DLEC1: variants seen among roughly 807,000 people sequenced by gnomAD.
DLEC1 encodes the protein DLEC1 cilia and flagella associated protein.
Under a neutral mutation model 198.1 loss-of-function variants are expected in DLEC1, and 146 were observed. The ratio of observed to expected loss-of-function variants is 0.74; its 90% CI spans 0.64 to 0.85. The LOEUF (loss-of-function observed/expected upper bound fraction) is 0.85, where lower values mean the gene tolerates loss of function less well. DLEC1 is among the 40% of genes least tolerant of loss of function. The pLI is 0.00. For synonymous variants in DLEC1, 897 were observed against 866.8 expected (o/e 1.03, Z -0.61); for missense variants, 2,233 against 2,220.0 (o/e 1.01, Z -0.12).
At position 38,117,504 on chromosome 3, in the gene DLEC1, C is replaced by G. The variant is rs929088514; in HGVS notation, c.4401-23C>G. The G allele has an allele frequency of 6.2e-6, 10 of 1,614,010 alleles. No individual in the cohort carries two copies. In the Admixed American group the frequency reaches 1.5e-4, roughly 24 times the overall value. ...AAGGCCCCAGGCGCCCGGCTTGCCC[C>G]AACAATGCCTATTGCTGGGCAGGCT... On this transcript the variant is annotated intron_variant, in intron 31 of 36. Transcript: ENST00000308059.
chr3:38,122,014 C>CGAA lies in DLEC1; in HGVS notation c.5021-57_5021-56insGAA, dbSNP rs1319885077. The CGAA allele has an allele frequency of 1.6e-5, 26 of 1,599,918 alleles. No homozygotes were observed. In the East Asian group the frequency reaches 3.6e-4, roughly 22 times the overall value. ...AGGCCCGGGGGTGGGTAAAGTCTTC[C>CGAA]TGTGGGAGTACATGGGGCTGCCTGC... On this transcript the variant is annotated intron_variant, in intron 35 of 36. Coordinates refer to ENST00000308059, the MANE Select transcript of DLEC1 (RefSeq NM_007335.4).
intron 19 of DLEC1, among the ~76,000 whole-genome samples, chr3:38,105,349 C>T (rs1699515538): frequency 6.6e-6 from 1 of 151,968 alleles, no homozygotes; most frequent in Non-Finnish European, 1.5e-5. Flanking sequence ...GTTGTTTTTC[C>T]ATTATTAAAA....
At chr3:38,081,904 C>T (rs1402169753) in intron 6 of DLEC1, among the ~76,000 whole-genome samples, 4 of 147,644 alleles carry the variant, frequency 2.7e-5, no homozygotes, top group Admixed American at 2.7e-4. Flanking sequence ...GACCCCCCCC[C>T]ACCTCCCTCC....
chr3:38,070,263 G>A (rs1183116489), intron 6 of DLEC1, among the ~76,000 whole-genome samples: 1 of 152,106 alleles, frequency 6.6e-6, no homozygotes, highest in African/African-American at 2.4e-5. Flanking sequence ...TTGTGTCCAT[G>A]GGAAGAATGG....
At chr3:38,096,013 TG>T in intron 14 of DLEC1, 67 bp downstream of exon 14, 1 of 1,589,188 alleles carries the variant, frequency 6.3e-7, no homozygotes, top group Non-Finnish European at 8.6e-7. Flanking sequence ...GGGGTTCTCC[TG>T]GGGAAGGTAT....
rs369646963 is a variant in DLEC1 at position 38,093,735 on chromosome 3, G to A, written c.1887G>A (p.Thr629=). Residue 629 remains threonine, a synonymous_variant, in exon 12 of 37, where the codon ACG becomes ACA. Transcript: ENST00000308059. ...IRFEPENLRS[T]ARKQLIIRNA... is the part of the protein sequence containing the mutation. ...TTGAGCCTGAAAACCTTCGGTCCAC[G>A]GCTAGGAAGCAGCTGATTATTAGAA... The A allele has an allele frequency of 2.5e-5, 40 of 1,614,076 alleles. No individual in the cohort carries two copies. The highest frequency in any genetic ancestry group is 1.6e-4 in the Middle Eastern group (1 of 6,080).
rs781053489 is a variant in DLEC1, at chr3:38,107,616, C to T, written c.2897C>T (p.Pro966Leu). ...CCTGTGTATGCTGAGGTACAGAAGCCCCATGTGTACCTACAGAGCAGCCAG... is the reference window on the plus strand; with the variant it reads ...CCTGTGTATGCTGAGGTACAGAAGCTCCATGTGTACCTACAGAGCAGCCAG... ...YLPVYAEVQK[P>L]HVYLQSSQVE... is the part of the protein sequence containing the mutation. The change falls in exon 20 of 37, where the codon CCC becomes CTC. Residue 966 changes from proline to leucine, a missense_variant. Coordinates refer to ENST00000308059, the MANE Select transcript of DLEC1 (RefSeq NM_007335.4). 2 of 1,613,448 alleles carry T rather than the reference C, an allele frequency of 1.2e-6. No homozygotes were observed. Among genetic ancestry groups the T allele is most frequent in the East Asian group, 2.2e-5 (1 of 44,850 alleles).
In DLEC1 at chr3:38,076,504, A is replaced by T. The variant is rs577070976; in HGVS notation, c.1174-7654A>T. On this transcript the variant is annotated intron_variant, in intron 6 of 36. Transcript: ENST00000308059. ...CAGGAGTGGGGGTCGCAAAGTACTC[A>T]GTGGGGGAGCTTTTTGAGCCAGGAT... Among the ~76,000 whole-genome samples the T allele has an allele frequency of 4.9e-3, 747 of 152,154 alleles. 5 individuals carry two copies. The highest frequency in any genetic ancestry group is 0.017 in the African/African-American group (685 of 41,494).
At chr3:38,080,197 T>G (rs971718351) in intron 6 of DLEC1, among the ~76,000 whole-genome samples, 3 of 151,780 alleles carry the variant, frequency 2.0e-5, no homozygotes, top group African/African-American at 7.3e-5. Context: ...GCTGGGCAGG[T>G]GGGGGAGGGC....
At chr3:38,046,820 G>A (rs964432308) in intron 2 of DLEC1, among the ~76,000 whole-genome samples, 1 of 151,066 alleles carries the variant, frequency 6.6e-6, no homozygotes, top group Non-Finnish European at 1.5e-5. Context: ...AGGAAGTCAT[G>A]TCACATGCAA....
In DLEC1 at chr3:38,109,850, G is replaced by A. The variant is rs922456327; in HGVS notation, c.3261-249G>A. The A allele has an allele frequency of 2.0e-5, 14 of 685,582 alleles. No homozygotes were observed. In the Admixed American group the frequency reaches 4.1e-4, roughly 20 times the overall value. The allele number at this position is 685,582 out of a possible 1,614,324, so 42.5% of individuals were successfully genotyped here. A position where few individuals can be genotyped will look rare whatever the true frequency, so the allele number is the denominator to read the frequency against. ...AGGTACCCTGGGCTTGCCCACATGA[G>A]GCCCAGCAACTGGGAGCCATGCCAG... On this transcript the variant is annotated intron_variant, in intron 22 of 36. Coordinates refer to ENST00000308059, the MANE Select transcript of DLEC1 (RefSeq NM_007335.4).
chr3:38,113,606 A>C (rs1028887651), intron 25 of DLEC1, among the ~76,000 whole-genome samples: 2 of 152,036 alleles, frequency 1.3e-5, no homozygotes, highest in Non-Finnish European at 2.9e-5. Context: ...TGGGAGGATC[A>C]CTTGTGCCCA....
chr3:38,054,037 C>A (rs1696202852), intron 2 of DLEC1, among the ~76,000 whole-genome samples: 1 of 152,010 alleles, frequency 6.6e-6, no homozygotes, highest in East Asian at 1.9e-4. Context: ...ATCTCAAGTA[C>A]CCAGGGACAC....
At chr3:38,098,817 G>A (rs902193340) in intron 18 of DLEC1, among the ~76,000 whole-genome samples, 1 of 152,098 alleles carries the variant, frequency 6.6e-6, no homozygotes, top group Non-Finnish European at 1.5e-5. Flanking sequence ...TTACCTGATG[G>A]CCTATAGCTG....
In DLEC1 at chr3:38,112,688, G is replaced by C. The variant is rs1308336720; in HGVS notation, c.3666+327G>C. Among the ~76,000 whole-genome samples the C allele has an allele frequency of 6.6e-6, 1 of 152,242 alleles. No individual in the cohort carries two copies. Among genetic ancestry groups the C allele is most frequent in the Admixed American group, 6.5e-5 (1 of 15,294 alleles). The stretch of plus-strand genomic sequence containing the variant: ...CAGGACCCAAGACTTGGAGTAGGGA[G>C]TGTGGAGTGGAGGGACAGTAGCAGC... On this transcript the variant is annotated intron_variant, in intron 25 of 36. Transcript: ENST00000308059. The surrounding 1 kb of genome is among the most constrained non-coding windows in gnomAD (Gnocchi z 4.8).
chr3:38,048,675 A>G (rs1700981913), intron 2 of DLEC1, among the ~76,000 whole-genome samples: 1 of 152,142 alleles, frequency 6.6e-6, no homozygotes, highest in South Asian at 2.1e-4. Context: ...GTCAAAACCC[A>G]TGGCTTTCTT....
In DLEC1 at chr3:38,116,855, C is replaced by T. The variant is rs1700197220; in HGVS notation, c.4145C>T (p.Ser1382Phe). The T allele has an allele frequency of 4.3e-6, 7 of 1,613,626 alleles. No homozygotes were observed. The highest frequency in any genetic ancestry group is 5.1e-6 in the Non-Finnish European group (6 of 1,179,868). Residue 1382 changes from serine (S) to phenylalanine (F), a missense_variant, in exon 29 of 37, where the codon TCC becomes TTC. Ser to Phe is a radical substitution (Grantham distance 155). Transcript: ENST00000308059. ...CTGCAGGCACATGAGGGGGTGCCCT[C>T]CGGCCACCTGTACTGTATCAGCCCC... is the stretch of plus-strand genomic sequence containing the variant. ...VILQAHEGVPSGHLYCISPKQ... is the reference protein window; with the variant it reads ...VILQAHEGVPFGHLYCISPKQ...
chr3:38,085,271 C>G lies in DLEC1; in HGVS notation c.1262-3C>G. ...CCTCACTTGTCACTTTTGTCATGCACAGGGATGTTCCCAGGAAAAGGTGGA... is the reference window on the plus strand; with the variant it reads ...CCTCACTTGTCACTTTTGTCATGCAGAGGGATGTTCCCAGGAAAAGGTGGA... On this transcript the variant is annotated splice_polypyrimidine_tract_variant and splice_region_variant and intron_variant, in intron 7 of 36. Transcript: ENST00000308059. The G allele has an allele frequency of 6.2e-7, 1 of 1,614,118 alleles. No homozygotes were observed. Among genetic ancestry groups the G allele is most frequent in the Non-Finnish European group, 8.5e-7 (1 of 1,179,992 alleles).
intron 2 of DLEC1, among the ~76,000 whole-genome samples, chr3:38,058,422 C>G (rs1315795317): frequency 6.6e-6 from 1 of 152,120 alleles, no homozygotes; most frequent in Non-Finnish European, 1.5e-5. Flanking sequence ...CAGGCCAGCA[C>G]CGATGCAGGC....
Sources: gnomAD v4.1 joint callset for allele counts (sites outside exome capture counted in the v4.1 genomes callset) on GRCh38, gnomAD v4.1.1 for gene constraint, Gnocchi (gnomAD v3.1) non-coding constraint, MANE v1.5 for transcripts, NCBI Gene and HGNC (gene_info 2026-07-23, HGNC 2026-07-21) for gene names.